The following CPED1 variants were observed in gnomAD, a reference collection of about 807,000 sequenced individuals.
The protein encoded by CPED1 is cadherin like and PC-esterase domain containing 1.
A neutral mutation model predicts 128.2 loss-of-function variants in CPED1; 114 were observed. The ratio of observed to expected loss-of-function variants is 0.89; its 90% CI spans 0.76 to 1.04. The LOEUF (loss-of-function observed/expected upper bound fraction) is 1.04, where lower values mean the gene tolerates loss of function less well. Among genes scored for constraint, CPED1 ranks in the 50% least tolerant of loss-of-function variants. CPED1 has a pLI of 0.00. For synonymous variants in CPED1, 462 were observed against 426.7 expected, an observed-to-expected ratio of 1.08 and a Z score of -1.02; for missense variants, 1,211 against 1,207.1, an observed-to-expected ratio of 1.00 and a Z score of -0.05.
At chr7:121,282,984 C>A (rs1375602196) in intron 22 of CPED1, among the ~76,000 whole-genome samples, 1 of 152,182 alleles carries the variant, frequency 6.6e-6, no homozygotes, top group Non-Finnish European at 1.5e-5. Context: ...GATACAGAAT[C>A]ATTTTGTTTC....
chr7:121,231,065 T>C (rs1231686190), intron 16 of CPED1, among the ~76,000 whole-genome samples: 1 of 152,014 alleles, frequency 6.6e-6, no homozygotes, highest in Non-Finnish European at 1.5e-5. Flanking sequence ...GCCATGAAGA[T>C]GAATGATATC....
chr7:121,279,520 T>C (rs1205282892), intron 22 of CPED1, among the ~76,000 whole-genome samples: 2 of 152,110 alleles, frequency 1.3e-5, no homozygotes, highest in Admixed American at 1.3e-4. Flanking sequence ...GAATTCATTC[T>C]ATGAAGTTTG....
intron 16 of CPED1, 83 bp downstream of exon 16, chr7:121,142,224 A>G (rs1222008768): frequency 2.3e-6 from 3 of 1,281,440 alleles, no homozygotes; most frequent in Admixed American, 2.1e-5. Context: ...GAAAATTATT[A>G]CAAGAAATTG....
intron 16 of CPED1, among the ~76,000 whole-genome samples, chr7:121,227,798 C>T (rs1171673171): frequency 6.6e-6 from 1 of 152,010 alleles, no homozygotes; most frequent in African/African-American, 2.4e-5. Flanking sequence ...AAAAATACAT[C>T]TATTTCAATT....
intron 16 of CPED1, among the ~76,000 whole-genome samples, chr7:121,212,701 A>C (rs1797675778): frequency 1.3e-5 from 2 of 151,814 alleles, no homozygotes; most frequent in East Asian, 3.9e-4. Flanking sequence ...CATTGGAAAA[A>C]AAAATGAATA....
intron 18 of CPED1, among the ~76,000 whole-genome samples, chr7:121,251,994 C>T (rs1307977335): frequency 1.3e-5 from 2 of 151,620 alleles, no homozygotes; most frequent in Non-Finnish European, 2.9e-5. Context: ...AAAAAAGAGC[C>T]CGCATTGCCA....
chr7:121,199,183 A>G (rs1225217728), intron 16 of CPED1, among the ~76,000 whole-genome samples: 2 of 152,102 alleles, frequency 1.3e-5, no homozygotes, highest in Non-Finnish European at 2.9e-5. Context: ...CAGCATTACC[A>G]AGTGTGGTTC....
At chr7:121,155,507 C>T (rs918372374) in intron 16 of CPED1, among the ~76,000 whole-genome samples, 3 of 152,160 alleles carry the variant, frequency 2.0e-5, no homozygotes, top group Admixed American at 6.5e-5. Context: ...GGCATAAAAA[C>T]ATATGTGTAG....
intron 16 of CPED1, among the ~76,000 whole-genome samples, chr7:121,173,752 A>G (rs992558642): frequency 2.6e-5 from 4 of 152,092 alleles, no homozygotes; most frequent in South Asian, 2.1e-4. Context: ...ATACCCAAAA[A>G]TGATATTGCT....
intron 5 of CPED1, among the ~76,000 whole-genome samples, chr7:121,074,513 T>TTTTTTTTTG (rs1794074724): frequency 7.2e-6 from 1 of 139,564 alleles, no homozygotes; most frequent in Admixed American, 7.3e-5. Flanking sequence ...CTTTGTGTTT[T>TTTTTTTTTG]TTTTTTTTTT....
intron 22 of CPED1, among the ~76,000 whole-genome samples, chr7:121,284,955 C>T (rs1792536711): frequency 6.6e-6 from 1 of 152,182 alleles, no homozygotes; most frequent in African/African-American, 2.4e-5. Context: ...GGCTCTGACC[C>T]CACATTTCCC....
chr7:121,043,996 A>G (rs1238844357), intron 3 of CPED1, among the ~76,000 whole-genome samples: 2 of 152,144 alleles, frequency 1.3e-5, no homozygotes, highest in Non-Finnish European at 2.9e-5. Context: ...GCCCCGCAAT[A>G]TATAGTAATT....
chr7:121,244,967 A>G (rs1798492099), intron 18 of CPED1, among the ~76,000 whole-genome samples: 2 of 152,190 alleles, frequency 1.3e-5, no homozygotes, highest in African/African-American at 4.8e-5. Context: ...ACTCTCGGAT[A>G]TGCAAAATGG....
rs192795796 is a variant in CPED1, at chr7:121,038,803, T to A, written c.434-8084T>A. ...GAGAGGAACTGGTCAGCTATTTTGATGTCCCTCAGTGGGAATTTGCCTGAC... is the reference window on the plus strand; with the variant it reads ...GAGAGGAACTGGTCAGCTATTTTGAAGTCCCTCAGTGGGAATTTGCCTGAC... On this transcript the variant is annotated intron_variant, in intron 3 of 22. Transcript: ENST00000310396. Among the ~76,000 whole-genome samples the A allele has an allele frequency of 7.9e-5, 12 of 152,132 alleles. No homozygotes were observed. In the East Asian group the frequency reaches 2.3e-3, roughly 29 times the overall value.
intron 7 of CPED1, among the ~76,000 whole-genome samples, chr7:121,105,536 C>T (rs1367019486): frequency 6.6e-6 from 1 of 152,092 alleles, no homozygotes; most frequent in African/African-American, 2.4e-5. Context: ...TAAAAGTCTT[C>T]TCCTGAGAGT....
At chr7:121,046,689 T>C (rs1585037463) in intron 3 of CPED1, among the ~76,000 whole-genome samples, 198 bp from the exon 4 acceptor site, 1 of 151,996 alleles carries the variant, frequency 6.6e-6, no homozygotes, top group African/African-American at 2.4e-5. Flanking sequence ...AAATACTAAA[T>C]ATAAAAATAC....
intron 2 of CPED1, among the ~76,000 whole-genome samples, chr7:120,999,983 C>A (rs1356999745): frequency 6.6e-6 from 1 of 152,080 alleles, no homozygotes; most frequent in Admixed American, 6.5e-5. Flanking sequence ...GGAACTTCTG[C>A]TTCTTTCTCC....
chr7:120,994,823 A>G (rs904592009), intron 2 of CPED1, among the ~76,000 whole-genome samples: 14 of 152,204 alleles, frequency 9.2e-5, no homozygotes, highest in Admixed American at 5.2e-4. Flanking sequence ...GCATAAATAC[A>G]TAAGTGTATT....
At chr7:121,213,652 C>G (rs1797697388) in intron 16 of CPED1, among the ~76,000 whole-genome samples, 1 of 152,072 alleles carries the variant, frequency 6.6e-6, no homozygotes, top group South Asian at 2.1e-4. Context: ...CCTCACAAAA[C>G]TGTGTTCTTA....
Sources: allele counts gnomAD v4.1 joint callset (sites outside exome capture counted in the v4.1 genomes callset), GRCh38; gene constraint gnomAD v4.1.1; transcripts MANE v1.5; gene names NCBI Gene and HGNC (gene_info 2026-07-23, HGNC 2026-07-21).